Variants in SLC22A9 observed in about 807,000 individuals in gnomAD.
The protein encoded by SLC22A9 is solute carrier family 22 member 9.
SLC22A9 carries 64 observed loss-of-function variants against 50.1 expected under a neutral mutation model. The observed-to-expected ratio is 1.28, with a 90% confidence interval of 1.04 to 1.57. The LOEUF is 1.57. SLC22A9 is among the 40% of genes most tolerant of loss of function. The pLI, the probability that SLC22A9 is intolerant of heterozygous loss-of-function variation, is 0.00. For synonymous variants in SLC22A9, 261 were observed against 242.5 expected (o/e 1.08, Z -0.71); for missense variants, 757 against 676.1 (o/e 1.12, Z -1.33).
chr11:63,408,690 G>T lies in SLC22A9; in HGVS notation c.1412G>T (p.Gly471Val). The change falls in exon 9 of 10, where the codon GGG becomes GTG. Residue 471 changes from glycine to valine, a missense_variant. Transcript: ENST00000279178. The part of the protein sequence containing the change: ...IPTIIRARAM[G>V]INATFANIAG... The stretch of plus-strand genomic sequence containing the variant: ...TCCACTCAAAGGGCAAGAGCTATGG[G>T]GATCAATGCAACCTTTGCTAATATA... 2.5e-6 allele frequency: 4 copies of T among 1,613,502 alleles called. No homozygotes were observed. The highest frequency in any genetic ancestry group is 2.5e-6 in the Non-Finnish European group (3 of 1,179,592).
At position 63,382,283 on chromosome 11, in the gene SLC22A9, C is replaced by T; in HGVS notation, c.1073+6C>T. On this transcript the variant is annotated splice_donor_region_variant and intron_variant, in intron 6 of 9. Coordinates refer to ENST00000279178, the MANE Select transcript of SLC22A9 (RefSeq NM_080866.3). Reference sequence around the variant, plus strand: ...TCCCTCCTGTCCTTTACGAGGTAAGCTTCATGCAGTGTTTGAGGGTAAGTT... The same window carrying T: ...TCCCTCCTGTCCTTTACGAGGTAAGTTTCATGCAGTGTTTGAGGGTAAGTT... The T allele has an allele frequency of 6.3e-7, 1 of 1,592,400 alleles. No homozygotes were observed. The highest frequency in any genetic ancestry group is 1.1e-5 in the South Asian group (1 of 87,396).
At chr11:63,392,594 G>T (rs1037661484) in intron 6 of SLC22A9, among the ~76,000 whole-genome samples, 1 of 151,884 alleles carries the variant, frequency 6.6e-6, no homozygotes, top group African/African-American at 2.4e-5. Context: ...GTTACCAGAT[G>T]TATAGGAGCT....
At chr11:63,405,065 C>T (rs4963407) in intron 6 of SLC22A9, among the ~76,000 whole-genome samples, 1 of 152,014 alleles carries the variant, frequency 6.6e-6, no homozygotes, top group South Asian at 2.1e-4. Context: ...ATCACCACTA[C>T]AGGACTTATC....
At chr11:63,392,174 C>T (rs963315811) in intron 6 of SLC22A9, among the ~76,000 whole-genome samples, 5 of 151,930 alleles carry the variant, frequency 3.3e-5, no homozygotes, top group Admixed American at 2.6e-4. Context: ...CTGTATTTTC[C>T]ATGTCTGAAA....
chr11:63,378,671 G>A (rs1400621390), intron 5 of SLC22A9, among the ~76,000 whole-genome samples: 1 of 152,114 alleles, frequency 6.6e-6, no homozygotes, highest in Non-Finnish European at 1.5e-5. Flanking sequence ...TTTTAGCAAA[G>A]TTTCAGGATA....
chr11:63,409,756 T>C, intron 9 of SLC22A9, 46 bp from the exon 10 acceptor site: 2 of 1,574,206 alleles, frequency 1.3e-6, no homozygotes, highest in African/African-American at 1.5e-5. Context: ...AGTCCATGTC[T>C]TTTCATTTTT....
chr11:63,372,136 G>T (rs1380244205), intron 2 of SLC22A9, among the ~76,000 whole-genome samples: 2 of 152,158 alleles, frequency 1.3e-5, no homozygotes, highest in East Asian at 3.9e-4. Context: ...AAAAGAAGGG[G>T]TAGGAGATGC....
chr11:63,390,359 G>A (rs1378224896), intron 6 of SLC22A9, among the ~76,000 whole-genome samples: 2 of 152,154 alleles, frequency 1.3e-5, no homozygotes, highest in South Asian at 2.1e-4. Flanking sequence ...TGTATAAGGT[G>A]TAAGGAAGGG....
chr11:63,400,284 G>A (rs1324915053), intron 6 of SLC22A9, among the ~76,000 whole-genome samples: 1 of 151,898 alleles, frequency 6.6e-6, no homozygotes, highest in Non-Finnish European at 1.5e-5. Flanking sequence ...GAAAAAAATA[G>A]AGAAAACAAA....
intron 6 of SLC22A9, among the ~76,000 whole-genome samples, chr11:63,400,924 C>T (rs2014941539): frequency 6.6e-6 from 1 of 151,928 alleles, no homozygotes; most frequent in Non-Finnish European, 1.5e-5. Context: ...TCAACAGACG[C>T]CAAAAGCATA....
chr11:63,382,394 C>A (rs905189035), intron 6 of SLC22A9, 117 bp downstream of exon 6: 9 of 700,392 alleles, frequency 1.3e-5, no homozygotes, highest in Non-Finnish European at 2.1e-5. Context: ...GATGAGAAAG[C>A]CGTAAAGAGA....
At chr11:63,382,106 T>C (rs557033267) in intron 5 of SLC22A9, 53 bp from the exon 6 acceptor site, 1 of 1,410,520 alleles carries the variant, frequency 7.1e-7, no homozygotes, top group South Asian at 1.3e-5. Context: ...GCGCCTACAG[T>C]GCCTACTCTT....
chr11:63,380,331 A>G (rs1336848811), intron 5 of SLC22A9, among the ~76,000 whole-genome samples: 1 of 152,204 alleles, frequency 6.6e-6, no homozygotes, highest in Non-Finnish European at 1.5e-5. Context: ...GCAATCTACT[A>G]CTGGGTGTAT....
chr11:63,388,478 C>G (rs1259458712), intron 6 of SLC22A9, among the ~76,000 whole-genome samples: 1 of 151,788 alleles, frequency 6.6e-6, no homozygotes, highest in Non-Finnish European at 1.5e-5. Flanking sequence ...ATCATGCTAA[C>G]CAATATGCAT....
intron 6 of SLC22A9, among the ~76,000 whole-genome samples, chr11:63,405,918 C>A (rs1278353542): frequency 6.6e-6 from 1 of 152,124 alleles, no homozygotes; most frequent in Admixed American, 6.6e-5. Flanking sequence ...AAATTAATGA[C>A]AATTATGACC....
At position 63,408,102 on chromosome 11, in the gene SLC22A9, C is replaced by A; in HGVS notation, c.1289-10C>A. On this transcript the variant is annotated splice_polypyrimidine_tract_variant and intron_variant, in intron 7 of 9. Transcript: ENST00000279178. The stretch of plus-strand genomic sequence containing the variant: ...GATTTCCTGAGGCCTTGTGTTCTTC[C>A]TTTCTCCAGAAATGCAGACGCTGCG... 1 of 1,611,384 alleles carries A rather than the reference C, an allele frequency of 6.2e-7. No homozygotes were observed. Among genetic ancestry groups the A allele is most frequent in the East Asian group, 2.2e-5 (1 of 44,812 alleles).
At chr11:63,383,389 G>A (rs983307446) in intron 6 of SLC22A9, among the ~76,000 whole-genome samples, 12 of 152,060 alleles carry the variant, frequency 7.9e-5, no homozygotes, top group African/African-American at 1.7e-4. Flanking sequence ...CAGACACCAC[G>A]GGCAGCCAGA....
Position 63,385,055 on chromosome 11 carries a change from A to T in SLC22A9, c.1073+2778A>T, listed in dbSNP as rs577926544. ...ATTACATCTTTGTCAGATGGATAGG[A>T]TGCAAAAATTTTTCCCACTCTGTAG... is the stretch of plus-strand genomic sequence containing the variant. On this transcript the variant is annotated intron_variant, in intron 6 of 9. Transcript: ENST00000279178. Among the ~76,000 whole-genome samples, 835 of 83,726 alleles carry T rather than the reference A, an allele frequency of 1.0e-2. 11 individuals carry two copies. Among genetic ancestry groups the T allele is most frequent in the African/African-American group, 0.039 (757 of 19,500 alleles). 54.9% of individuals were successfully genotyped at this position (83,726 alleles called of 152,430 possible). A position where few individuals can be genotyped will look rare whatever the true frequency, so the allele number is the denominator to read the frequency against.
intron 2 of SLC22A9, 137 bp from the exon 3 acceptor site, chr11:63,373,507 T>C: frequency 1.3e-6 from 1 of 774,218 alleles, no homozygotes. Flanking sequence ...CTGCCATTGA[T>C]TACTGATTCT....
Sources: gnomAD v4.1 joint callset for allele counts (sites outside exome capture counted in the v4.1 genomes callset) on GRCh38, gnomAD v4.1.1 for gene constraint, MANE v1.5 for transcripts, NCBI Gene and HGNC (gene_info 2026-07-23, HGNC 2026-07-21) for gene names.